The following SIL1 variants were observed in gnomAD, a reference collection of about 807,000 sequenced individuals.
The protein encoded by SIL1 is SIL1 nucleotide exchange factor.
Under a neutral mutation model 49.1 loss-of-function variants are expected in SIL1, and 40 were observed. The ratio of observed to expected loss-of-function variants is 0.81; its 90% CI spans 0.63 to 1.06. The LOEUF is 1.06. Ranked by LOEUF, SIL1 falls within the 50% of genes least tolerant of loss-of-function variation. The pLI, the probability that SIL1 is intolerant of heterozygous loss-of-function variation, is 0.00. For synonymous variants in SIL1, 253 were observed against 250.8 expected (o/e 1.01, Z -0.08); for missense variants, 500 against 572.6 (o/e 0.87, Z 1.29).
intron 4 of SIL1, among the ~76,000 whole-genome samples, chr5:139,047,340 T>C (rs777683259): frequency 6.6e-6 from 1 of 152,232 alleles, no homozygotes; most frequent in Non-Finnish European, 1.5e-5. Context: ...AAGGCAGTGC[T>C]AAAGGAACTC....
At chr5:139,146,857 T>C (rs771487811) in intron 1 of SIL1, among the ~76,000 whole-genome samples, 1 of 152,216 alleles carries the variant, frequency 6.6e-6, no homozygotes, top group African/African-American at 2.4e-5. Flanking sequence ...GATAATCACT[T>C]TTATTTTCTG....
At chr5:139,158,351 A>G (rs1043696106) in intron 1 of SIL1, among the ~76,000 whole-genome samples, 3 of 152,260 alleles carry the variant, frequency 2.0e-5, no homozygotes, top group African/African-American at 7.2e-5. Flanking sequence ...AGAAAGACTC[A>G]CAAAAATGTT....
intron 5 of SIL1, among the ~76,000 whole-genome samples, chr5:139,031,917 A>G (rs1768801831): frequency 6.6e-6 from 1 of 152,218 alleles, no homozygotes; most frequent in Non-Finnish European, 1.5e-5. Context: ...ATTTCCAAAT[A>G]TTCTTTGTTA....
intron 1 of SIL1, among the ~76,000 whole-genome samples, chr5:139,143,338 C>CATATATATATATATATATAT (rs1251442889): frequency 2.4e-5 from 2 of 84,220 alleles, no homozygotes; most frequent in African/African-American, 1.3e-4. Context: ...CACACACACA[C>CATATATATATATATATATAT]ACACACATAT....
intron 1 of SIL1, among the ~76,000 whole-genome samples, chr5:139,135,415 G>A (rs1750954107): frequency 6.6e-6 from 1 of 152,168 alleles, no homozygotes; most frequent in African/African-American, 2.4e-5. Context: ...TAACCAGAGA[G>A]CTACAAAGAG....
rs760814431 is a variant in SIL1 at position 139,105,115 on chromosome 5, G to A, written c.244+15920C>T. Reference sequence around the variant, plus strand: ...ACTGGATGGCAGGAATCCTAGATCCGTGGGTGAGGATTGAGTCATGTTATG... The same window carrying A: ...ACTGGATGGCAGGAATCCTAGATCCATGGGTGAGGATTGAGTCATGTTATG... On this transcript the variant is annotated intron_variant, in intron 3 of 9. Transcript: ENST00000394817. 7.9e-5 allele frequency among the ~76,000 whole-genome samples: 12 copies of A among 152,162 alleles called. 1 individual carries two copies. Among genetic ancestry groups the A allele is most frequent in the Middle Eastern group, 6.3e-3 (2 of 316 alleles).
At chr5:139,117,514 C>T (rs1771019564) in intron 3 of SIL1, among the ~76,000 whole-genome samples, 1 of 152,120 alleles carries the variant, frequency 6.6e-6, no homozygotes, top group Admixed American at 6.5e-5. Flanking sequence ...TTCTGTAATA[C>T]CAACTGCACA....
intron 3 of SIL1, among the ~76,000 whole-genome samples, chr5:139,104,235 C>A (rs1276248702): frequency 6.6e-6 from 1 of 152,180 alleles, no homozygotes; most frequent in Non-Finnish European, 1.5e-5. Flanking sequence ...AGGTAACAGA[C>A]TGGGCAGGGG....
At chr5:138,950,451 G>C (rs989585424) in intron 9 of SIL1, among the ~76,000 whole-genome samples, 2 of 152,220 alleles carry the variant, frequency 1.3e-5, no homozygotes, top group African/African-American at 4.8e-5. Flanking sequence ...TGTGCAGAGG[G>C]AGTGAGGGGC....
At chr5:139,188,678 A>G (rs1752117071) in intron 1 of SIL1, among the ~76,000 whole-genome samples, 1 of 152,256 alleles carries the variant, frequency 6.6e-6, no homozygotes, top group Admixed American at 6.5e-5. Context: ...TGAGCATACA[A>G]ATCAGAGGAA....
chr5:139,038,341 G>A (rs1341075304), intron 5 of SIL1, among the ~76,000 whole-genome samples: 2 of 152,176 alleles, frequency 1.3e-5, no homozygotes, highest in Non-Finnish European at 2.9e-5. Context: ...TCAGTAGGTA[G>A]ACATCCTATT....
chr5:139,041,835 A>T (rs1235554606), intron 5 of SIL1, among the ~76,000 whole-genome samples: 5 of 150,892 alleles, frequency 3.3e-5, no homozygotes, highest in Admixed American at 6.6e-5. Flanking sequence ...AAAAAAAAAC[A>T]AAAAAAAGCA....
At chr5:139,027,564 G>A (rs1186411637) in intron 5 of SIL1, among the ~76,000 whole-genome samples, 1 of 152,172 alleles carries the variant, frequency 6.6e-6, no homozygotes, top group African/African-American at 2.4e-5. Flanking sequence ...TCAACTGTTT[G>A]AAATGGCTAA....
chr5:139,056,416 G>A (rs890345416), intron 3 of SIL1, among the ~76,000 whole-genome samples: 2 of 151,476 alleles, frequency 1.3e-5, no homozygotes, highest in African/African-American at 2.4e-5. Context: ...ACTGAGAAGT[G>A]AGGAGCCCCT....
chr5:139,192,782 G>C (rs1157248157), intron 1 of SIL1, among the ~76,000 whole-genome samples: 2 of 151,580 alleles, frequency 1.3e-5, no homozygotes, highest in African/African-American at 4.9e-5. Flanking sequence ...AGAAATGCTT[G>C]AGCCCAGAAG....
At chr5:139,031,438 A>G (rs778827148) in intron 5 of SIL1, among the ~76,000 whole-genome samples, 6 of 152,088 alleles carry the variant, frequency 3.9e-5, no homozygotes, top group Non-Finnish European at 8.8e-5. Flanking sequence ...GTGTGGGTCT[A>G]TTTCTAGGTT....
intron 1 of SIL1, chr5:139,155,458 A>AGAGAGAGAGAGAGAGAGAGG (rs1751389007): frequency 6.6e-6 from 1 of 151,688 alleles, no homozygotes; most frequent in Non-Finnish European, 1.5e-5. Flanking sequence ...TGAGAGAGAG[A>AGAGAGAGAGAGAGAGAGAGG]GAGAGAGAGA....
intron 3 of SIL1, among the ~76,000 whole-genome samples, chr5:139,104,050 A>G (rs1299394890): frequency 6.6e-6 from 1 of 152,192 alleles, no homozygotes; most frequent in Non-Finnish European, 1.5e-5. Flanking sequence ...AGTGCTTCCT[A>G]TTGGCTAGGT....
intron 7 of SIL1, among the ~76,000 whole-genome samples, chr5:138,967,284 A>G (rs751810101): frequency 3.0e-4 from 46 of 152,230 alleles, no homozygotes; most frequent in Middle Eastern, 3.2e-3. Context: ...GCGTCACCCC[A>G]GACTCACGAA....
Sources: allele counts gnomAD v4.1 joint callset (sites outside exome capture counted in the v4.1 genomes callset), GRCh38; gene constraint gnomAD v4.1.1; transcripts MANE v1.5; gene names NCBI Gene and HGNC (gene_info 2026-07-23, HGNC 2026-07-21).